STX8: variants seen among roughly 807,000 people sequenced by gnomAD.
STX8 encodes syntaxin 8.
A neutral mutation model predicts 37.5 loss-of-function variants in STX8; 23 were observed. That is an observed-to-expected ratio of 0.61 (90% CI 0.44 to 0.87). The LOEUF (loss-of-function observed/expected upper bound fraction) is 0.87. Ranked by LOEUF, STX8 falls within the 40% of genes least tolerant of loss-of-function variation. The pLI is 0.00. For missense variants in STX8, 313 were observed against 284.7 expected, an observed-to-expected ratio of 1.10 and a Z score of -0.71; for synonymous variants, 115 against 99.1, an observed-to-expected ratio of 1.16 and a Z score of -0.95.
chr17:9,385,698 C>G (rs753428503), intron 6 of STX8, among the ~76,000 whole-genome samples: 18 of 152,192 alleles, frequency 1.2e-4, no homozygotes, highest in Admixed American at 2.0e-4. Flanking sequence ...GGGCGCTGTA[C>G]AAGTATTTGT....
chr17:9,287,190 T>G (rs537192769), intron 7 of STX8, among the ~76,000 whole-genome samples: 1 of 152,152 alleles, frequency 6.6e-6, no homozygotes, highest in Non-Finnish European at 1.5e-5. Context: ...AAGTCATCAG[T>G]GTCTTACAGT....
intron 6 of STX8, among the ~76,000 whole-genome samples, chr17:9,405,572 C>A (rs1301257612): frequency 1.3e-5 from 2 of 152,132 alleles, no homozygotes; most frequent in South Asian, 2.1e-4. Context: ...TGATCATAAG[C>A]CCAAATGCAT....
chr17:9,432,030 C>T (rs1056825105), intron 6 of STX8, among the ~76,000 whole-genome samples: 4 of 152,186 alleles, frequency 2.6e-5, no homozygotes, highest in African/African-American at 9.7e-5. Flanking sequence ...GAAAGAGTTA[C>T]ACTTCACCAT....
chr17:9,444,288 C>A (rs1188577382), intron 6 of STX8, among the ~76,000 whole-genome samples: 1 of 152,242 alleles, frequency 6.6e-6, no homozygotes, highest in Admixed American at 6.5e-5. Flanking sequence ...CCCTCCCTGT[C>A]TGTTCTTCTC....
At chr17:9,352,515 G>C in intron 7 of STX8, among the ~76,000 whole-genome samples, 1 of 146,174 alleles carries the variant, frequency 6.8e-6, no homozygotes, top group Admixed American at 6.8e-5. Context: ...TGGCCCAGGC[G>C]GGAGTGCAGT....
chr17:9,355,177 C>T (rs1227457132), intron 7 of STX8, among the ~76,000 whole-genome samples: 2 of 152,030 alleles, frequency 1.3e-5, no homozygotes. Context: ...AATATGGTTA[C>T]TCCTGTCTGT....
intron 4 of STX8, among the ~76,000 whole-genome samples, chr17:9,535,836 C>CAT (rs1228992293): frequency 6.6e-6 from 1 of 152,088 alleles, no homozygotes; most frequent in African/African-American, 2.4e-5. Flanking sequence ...ACAATACTCG[C>CAT]ATATATATAA....
intron 4 of STX8, among the ~76,000 whole-genome samples, chr17:9,541,622 T>G (rs1801738919): frequency 6.6e-6 from 1 of 152,196 alleles, no homozygotes; most frequent in Non-Finnish European, 1.5e-5. Context: ...ACTAGAAAGC[T>G]ACAGAACTGG....
intron 4 of STX8, 56 bp downstream of exon 4, chr17:9,545,116 T>C (rs1440969914): frequency 1.5e-5 from 17 of 1,114,792 alleles, no homozygotes; most frequent in Admixed American, 5.5e-5. Context: ...ACAGCTGTAG[T>C]ATCTGCAAAG....
At chr17:9,262,533 GT>G (rs957182003) in intron 7 of STX8, among the ~76,000 whole-genome samples, 1 of 149,564 alleles carries the variant, frequency 6.7e-6, no homozygotes, top group Non-Finnish European at 1.5e-5. Flanking sequence ...TAAATTACAT[GT>G]TTTTTGTTTC....
chr17:9,388,823 A>G (rs934771169), intron 6 of STX8, among the ~76,000 whole-genome samples: 2 of 152,026 alleles, frequency 1.3e-5, no homozygotes, highest in South Asian at 4.2e-4. Flanking sequence ...AAAAAAAAAA[A>G]AAAAAACCAT....
At chr17:9,370,336 C>T (rs1911365018) in intron 7 of STX8, among the ~76,000 whole-genome samples, 2 of 152,186 alleles carry the variant, frequency 1.3e-5, no homozygotes, top group South Asian at 4.1e-4. Flanking sequence ...ATCACATGTA[C>T]TACTAATTGC....
chr17:9,493,954 TTATC>T (rs1358208927), intron 5 of STX8, among the ~76,000 whole-genome samples: 3 of 151,930 alleles, frequency 2.0e-5, no homozygotes, highest in African/African-American at 4.8e-5. Flanking sequence ...ATCATATTGT[TTATC>T]TATATTTTGA....
chr17:9,330,033 G>A (rs886112457), intron 7 of STX8, among the ~76,000 whole-genome samples: 2 of 152,258 alleles, frequency 1.3e-5, no homozygotes, highest in African/African-American at 4.8e-5. Flanking sequence ...GGGGAGCAGA[G>A]GGCAGAGGTG....
intron 6 of STX8, among the ~76,000 whole-genome samples, chr17:9,431,628 G>T (rs1360643380): frequency 1.3e-5 from 2 of 152,154 alleles, no homozygotes; most frequent in Non-Finnish European, 2.9e-5. Context: ...AGAGAACACA[G>T]TCATGACACT....
Position 9,431,737 on chromosome 17 carries a change from G to T in STX8, c.542-53084C>A, listed in dbSNP as rs546406865. On this transcript the variant is annotated intron_variant, in intron 6 of 7. Transcript: ENST00000306357. ...TCACTTGTTTAAGAACAGCAGGTTA[G>T]CAACAACATAGTGCCAAACGTTCTG... Among the ~76,000 whole-genome samples, 11 of 152,270 alleles carry T rather than the reference G, an allele frequency of 7.2e-5. No homozygotes were observed. In the South Asian group the frequency reaches 2.3e-3, roughly 32 times the overall value.
chr17:9,292,992 A>G (rs567962676), intron 7 of STX8, among the ~76,000 whole-genome samples: 9 of 152,210 alleles, frequency 5.9e-5, no homozygotes, highest in Admixed American at 2.0e-4. Context: ...AGAACAAAAC[A>G]TGAATATCCG....
intron 7 of STX8, among the ~76,000 whole-genome samples, chr17:9,331,424 T>G (rs1433963793): frequency 6.6e-6 from 1 of 151,616 alleles, no homozygotes; most frequent in Non-Finnish European, 1.5e-5. Context: ...CCAATTATTC[T>G]GCAGCAGTAA....
chr17:9,557,521 A>G lies in STX8; in HGVS notation c.125T>C (p.Val42Ala). The G allele has an allele frequency of 1.2e-6, 2 of 1,614,002 alleles. No individual in the cohort carries two copies. The highest frequency in any genetic ancestry group is 1.7e-6 in the Non-Finnish European group (2 of 1,179,918). ...GTTCTGCAACAAAGCTCTGATTGTC[A>G]CGGTAAGCTGAAAAGAAAAGAACAC... ...RKGEKAPKLTVTIRALLQNLK... is the reference protein window; with the variant it reads ...RKGEKAPKLTATIRALLQNLK... Residue 42 changes from valine (V) to alanine (A), a missense_variant, in exon 3 of 8, where the codon GTG (valine) becomes GCG (alanine). Transcript: ENST00000306357.
Sources: allele counts gnomAD v4.1 joint callset (sites outside exome capture counted in the v4.1 genomes callset), GRCh38; gene constraint gnomAD v4.1.1; transcripts MANE v1.5; gene names NCBI Gene and HGNC (gene_info 2026-07-23, HGNC 2026-07-21).